DUSP2: variants seen among roughly 807,000 people sequenced by gnomAD.
The protein encoded by DUSP2 is dual specificity phosphatase 2.
In DUSP2, 20 loss-of-function variants were observed where a neutral mutation model predicts 23.3. That is an observed-to-expected ratio of 0.86 (90% CI 0.60 to 1.25). DUSP2 has a LOEUF of 1.25. Ranked by LOEUF, DUSP2 falls within the 50% of genes most tolerant of loss-of-function variation. DUSP2 has a pLI of 0.00. For missense variants in DUSP2, 435 were observed against 452.6 expected, an observed-to-expected ratio of 0.96 and a Z score of 0.35; for synonymous variants, 231 against 209.7, an observed-to-expected ratio of 1.10 and a Z score of -0.88.
At position 96,145,099 on chromosome 2, in the gene DUSP2, C is replaced by A; in HGVS notation, c.256G>T (p.Ala86Ser). Residue 86 changes from alanine (A) to serine (S), a missense_variant, in exon 1 of 4, where the codon GCG becomes TCG. Physicochemically the swap from Ala to Ser is moderately conservative, Grantham distance 99. Coordinates refer to ENST00000288943, the MANE Select transcript of DUSP2 (RefSeq NM_004418.4). ...LRTRLVRGELARAVVLDEGSA... is the reference protein window; with the variant it reads ...LRTRLVRGELSRAVVLDEGSA... ...CCCTCGTCCAGCACCACGGCCCGCG[C>A]CAGCTCCCCGCGGACCAGGCGCGTC... The A allele has an allele frequency of 7.0e-7, 1 of 1,436,282 alleles. No homozygotes were observed. 89.0% of individuals were successfully genotyped at this position (1,436,282 alleles called of 1,614,324 possible). A position where few individuals can be genotyped will look rare whatever the true frequency, so the allele number is the denominator to read the frequency against.
intron 2 of DUSP2, 146 bp downstream of exon 2, chr2:96,144,615 C>G (rs915968590): frequency 1.2e-6 from 1 of 839,382 alleles, no homozygotes; most frequent in Non-Finnish European, 1.8e-6. Context: ...AGCCATGCCC[C>G]ACCCCCTCCC....
At chr2:96,144,621 C>G in intron 2 of DUSP2, 140 bp downstream of exon 2, 1 of 864,806 alleles carries the variant, frequency 1.2e-6, no homozygotes, top group South Asian at 1.8e-5. Flanking sequence ...GCCCCACCCC[C>G]TCCCCCAACA....
chr2:96,144,449 C>T lies in DUSP2; in HGVS notation c.511-76G>A, dbSNP rs907856081. ...CTGGAGCAGCAGCGGGTGGAGACCC[C>T]ATGGGCTGGCCGAGACAAGAGGACT... On this transcript the variant is annotated intron_variant, in intron 2 of 3. Coordinates refer to ENST00000288943, the MANE Select transcript of DUSP2 (RefSeq NM_004418.4). 4.5e-5 allele frequency: 66 copies of T among 1,468,526 alleles called. No individual in the cohort carries two copies. In the South Asian group the frequency reaches 8.1e-4, roughly 18 times the overall value. The allele number at this position is 1,468,526 out of a possible 1,614,324, so 91.0% of individuals were successfully genotyped here.
chr2:96,144,904 G>A (rs1473195378), intron 1 of DUSP2, 22 bp from the exon 2 acceptor site: 2 of 1,548,190 alleles, frequency 1.3e-6, no homozygotes, highest in African/African-American at 1.4e-5. Flanking sequence ...GGAAGAGCAC[G>A]ATCAGCAGGG....
Position 96,143,942 on chromosome 2 carries a change from G to C in DUSP2, c.826C>G (p.Arg276Gly). 1 of 1,613,778 alleles carries C rather than the reference G, an allele frequency of 6.2e-7. No homozygotes were observed. The highest frequency in any genetic ancestry group is 8.5e-7 in the Non-Finnish European group (1 of 1,180,010). Residue 276 changes from arginine to glycine, a missense_variant, in exon 4 of 4, where the codon CGC (arginine) becomes GGC (glycine). Physicochemically the swap from Arg to Gly is moderately radical, Grantham distance 125. Transcript: ENST00000288943. ...TICLAYLMQS[R>G]RVRLDEAFDF... is the part of the protein sequence containing the mutation. ...AAGGCCTCGTCCAGCCGCACACGGC[G>C]ACTCTGCATGAGGTATGCCAGACAG...
At position 96,144,900 on chromosome 2, in the gene DUSP2, G is replaced by A. The variant is rs1322106135; in HGVS notation, c.389-18C>T. 1.3e-6 allele frequency: 2 copies of A among 1,548,460 alleles called. No individual in the cohort carries two copies. Among genetic ancestry groups the A allele is most frequent in the Admixed American group, 2.0e-5 (1 of 50,660 alleles). On this transcript the variant is annotated intron_variant, in intron 1 of 3. Coordinates refer to ENST00000288943, the MANE Select transcript of DUSP2 (RefSeq NM_004418.4). Reference sequence around the variant, plus strand: ...GAAGCCTCCTGCAAGGAGGGGAAGAGCACGATCAGCAGGGAAAGCCGGGCT... The same window carrying A: ...GAAGCCTCCTGCAAGGAGGGGAAGAACACGATCAGCAGGGAAAGCCGGGCT...
chr2:96,145,094 C>A lies in DUSP2; in HGVS notation c.261G>T (p.Arg87=), dbSNP rs1220102294. The A allele has an allele frequency of 2.8e-6, 4 of 1,453,478 alleles. No individual in the cohort carries two copies. The highest frequency in any genetic ancestry group is 1.5e-5 in the African/African-American group (1 of 67,322). The allele number at this position is 1,453,478 out of a possible 1,614,324, so 90.0% of individuals were successfully genotyped here. A position where few individuals can be genotyped will look rare whatever the true frequency, so the allele number is the denominator to read the frequency against. The change falls in exon 1 of 4, where the codon CGG becomes CGT. Residue 87 remains arginine (R), a synonymous_variant. Transcript: ENST00000288943. ...CACTGCCCTCGTCCAGCACCACGGCCCGCGCCAGCTCCCCGCGGACCAGGC... is the reference window on the plus strand; with the variant it reads ...CACTGCCCTCGTCCAGCACCACGGCACGCGCCAGCTCCCCGCGGACCAGGC... ...RTRLVRGELA[R]AVVLDEGSAS...
Position 96,143,946 on chromosome 2 carries a change from C to A in DUSP2, c.822G>T (p.Gln274His). The A allele has an allele frequency of 6.2e-7, 1 of 1,613,844 alleles. No homozygotes were observed. Among genetic ancestry groups the A allele is most frequent in the Non-Finnish European group, 8.5e-7 (1 of 1,180,022 alleles). The change falls in exon 4 of 4, where the codon CAG becomes CAT. Residue 274 changes from glutamine (Q) to histidine (H), a missense_variant. By Grantham distance (24) the Gln-to-His change is conservative. Coordinates refer to ENST00000288943, the MANE Select transcript of DUSP2 (RefSeq NM_004418.4). ...SATICLAYLMQSRRVRLDEAF... is the reference protein window; with the variant it reads ...SATICLAYLMHSRRVRLDEAF... Reference sequence around the variant, plus strand: ...CCTCGTCCAGCCGCACACGGCGACTCTGCATGAGGTATGCCAGACAGATGG... The same window carrying A: ...CCTCGTCCAGCCGCACACGGCGACTATGCATGAGGTATGCCAGACAGATGG...
At position 96,143,881 on chromosome 2, in the gene DUSP2, G is replaced by A. The variant is rs982317182; in HGVS notation, c.887C>T (p.Pro296Leu). 6.2e-7 allele frequency: 1 copy of A among 1,613,694 alleles called. No individual in the cohort carries two copies. Among genetic ancestry groups the A allele is most frequent in the Non-Finnish European group, 8.5e-7 (1 of 1,180,026 alleles). Residue 296 changes from proline to leucine, a missense_variant, in exon 4 of 4, where the codon CCC (proline) becomes CTC (leucine). Pro to Leu is a moderately conservative substitution (Grantham distance 98). Transcript: ENST00000288943. Reference sequence around the variant, plus strand: ...CAGCTGCCCCATGAAACTGAAGTTGGGGGAGATGACCCCCCGGCGCTGCTT... The same window carrying A: ...CAGCTGCCCCATGAAACTGAAGTTGAGGGAGATGACCCCCCGGCGCTGCTT... ...FVKQRRGVIS[P>L]NFSFMGQLLQ...
chr2:96,145,108 C>G lies in DUSP2; in HGVS notation c.247G>C (p.Gly83Arg). Residue 83 changes from glycine (G) to arginine (R), a missense_variant, in exon 1 of 4, where the codon GGG becomes CGG. Coordinates refer to ENST00000288943, the MANE Select transcript of DUSP2 (RefSeq NM_004418.4). ...AGCACCACGGCCCGCGCCAGCTCCC[C>G]GCGGACCAGGCGCGTCCGCAGCGCG... ...DRALRTRLVR[G>R]ELARAVVLDE... The G allele has an allele frequency of 7.0e-7, 1 of 1,420,190 alleles. No homozygotes were observed. The allele number at this position is 1,420,190 out of a possible 1,614,324, so 88.0% of individuals were successfully genotyped here. A position where few individuals can be genotyped will look rare whatever the true frequency, so the allele number is the denominator to read the frequency against.
Position 96,145,427 on chromosome 2 carries a change from G to C in DUSP2, c.-73C>G. Reference sequence around the variant, plus strand: ...GGCTCTCGTGGCGGTGGCGCTGCCCGAGCGGTCGACTCCGGGCGCCCTCCG... The same window carrying C: ...GGCTCTCGTGGCGGTGGCGCTGCCCCAGCGGTCGACTCCGGGCGCCCTCCG... On this transcript the variant is annotated 5_prime_UTR_variant, in exon 1 of 4. Coordinates refer to ENST00000288943, the MANE Select transcript of DUSP2 (RefSeq NM_004418.4). 2 of 1,266,642 alleles carry C rather than the reference G, an allele frequency of 1.6e-6. No homozygotes were observed. Among genetic ancestry groups the C allele is most frequent in the Middle Eastern group, 3.1e-4 (1 of 3,240 alleles). The allele number at this position is 1,266,642 out of a possible 1,614,324, so 78.5% of individuals were successfully genotyped here.
rs2104787172 is a variant in DUSP2 at position 96,143,842 on chromosome 2, G to A, written c.926C>T (p.Thr309Ile). ...SFMGQLLQFE[T>I]QVLCH ...ACCACCTCAGTGACACAGCACCTGG[G>A]TCTCAAACTGCAGCAGCTGCCCCAT... The change falls in exon 4 of 4, where the codon ACC (threonine) becomes ATC (isoleucine). Residue 309 changes from threonine to isoleucine, a missense_variant. Physicochemically the swap from Thr to Ile is moderately conservative, Grantham distance 89. Transcript: ENST00000288943. 6.2e-7 allele frequency: 1 copy of A among 1,613,336 alleles called. No homozygotes were observed. The highest frequency in any genetic ancestry group is 1.7e-5 in the Admixed American group (1 of 60,024).
At position 96,145,327 on chromosome 2, in the gene DUSP2, C is replaced by G. The variant is rs749032414; in HGVS notation, c.28G>C (p.Glu10Gln). ...AGCAGCGTGCCCAGCGCCGCGCACT[C>G]CAGCTCGCGCGCCGCCTCCAGCCCC... MGLEAAREL[E>Q]CAALGTLLRD... is the part of the protein sequence containing the mutation. The change falls in exon 1 of 4, where the codon GAG becomes CAG. Residue 10 changes from glutamate (E) to glutamine (Q), a missense_variant. Transcript: ENST00000288943. The G allele has an allele frequency of 6.3e-6, 9 of 1,426,274 alleles. No homozygotes were observed. The African/African-American group carries it at 1.2e-4, about 19-fold the overall frequency. 88.4% of individuals were successfully genotyped at this position (1,426,274 alleles called of 1,614,324 possible).
At chr2:96,144,530 C>A in intron 2 of DUSP2, 157 bp from the exon 3 acceptor site, 1 of 763,880 alleles carries the variant, frequency 1.3e-6, no homozygotes, top group Non-Finnish European at 2.1e-6. Context: ...GAGGACACAC[C>A]GGGACATACA....
In DUSP2 at chr2:96,144,809, T is replaced by C. The variant is rs1308427974; in HGVS notation, c.462A>G (p.Thr154=). 5 of 1,577,716 alleles carry C rather than the reference T, an allele frequency of 3.2e-6. No homozygotes were observed. The highest frequency in any genetic ancestry group is 4.3e-6 in the Non-Finnish European group (5 of 1,163,448). Residue 154 remains threonine (T), a synonymous_variant, in exon 2 of 4, where the codon ACA becomes ACG. Coordinates refer to ENST00000288943, the MANE Select transcript of DUSP2 (RefSeq NM_004418.4). The part of the protein sequence containing the change: ...SEAPAPALPP[T]GDKTSRSDSR... ...AGTCGGAGCGGCTGGTTTTGTCCCC[T>C]GTTGGCGGCAGCGCAGGGGCGGGGG...
Position 96,144,980 on chromosome 2 carries a change from C to T in DUSP2, c.375G>A (p.Val125=), listed in dbSNP as rs1005029732. The stretch of plus-strand genomic sequence containing the variant: ...CGGCTTGCTCACCTCGCAGGAAGTA[C>T]ACGGCAGTGGGCCCCGCGCGGGTCT... ...LHETRAGPTA[V]YFLRGGFDGF... is the part of the protein sequence containing the mutation. The change falls in exon 1 of 4, where the codon GTG becomes GTA. Residue 125 remains valine (V), a synonymous_variant. Coordinates refer to ENST00000288943, the MANE Select transcript of DUSP2 (RefSeq NM_004418.4). 2.6e-6 allele frequency: 4 copies of T among 1,545,636 alleles called. No homozygotes were observed. The highest frequency in any genetic ancestry group is 2.0e-5 in the Admixed American group (1 of 51,042).
At position 96,144,742 on chromosome 2, in the gene DUSP2, G is replaced by A. The variant is rs549079274; in HGVS notation, c.510+19C>T. 83 of 1,542,198 alleles carry A rather than the reference G, an allele frequency of 5.4e-5. No individual in the cohort carries two copies. Among genetic ancestry groups the A allele is most frequent in the African/African-American group, 3.0e-4 (22 of 73,342 alleles). On this transcript the variant is annotated intron_variant, in intron 2 of 3. Transcript: ENST00000288943. ...GGCGGGGAGAGAGGGAGGTTCGGGG[G>A]AGGGGGGTCAATACTCACCTGGTCG...
At chr2:96,144,666 C>G (rs577899253) in intron 2 of DUSP2, 95 bp downstream of exon 2, 1 of 1,214,552 alleles carries the variant, frequency 8.2e-7, no homozygotes, top group Non-Finnish European at 1.1e-6. Flanking sequence ...TATGGGCAAA[C>G]TGCTCGCATC....
Position 96,143,667 on chromosome 2 carries a change from G to C in DUSP2, c.*156C>G. On this transcript the variant is annotated 3_prime_UTR_variant, in exon 4 of 4. Coordinates refer to ENST00000288943, the MANE Select transcript of DUSP2 (RefSeq NM_004418.4). ...ACCAGGTCGGAAAGACCAGCATGCC[G>C]GCATTCCTAGAGCCCCCATGTGGGG... 1 of 865,130 alleles carries C rather than the reference G, an allele frequency of 1.2e-6. No homozygotes were observed. The highest frequency in any genetic ancestry group is 1.8e-6 in the Non-Finnish European group (1 of 568,252). 53.6% of individuals were successfully genotyped at this position (865,130 alleles called of 1,614,324 possible).
Sources: allele counts gnomAD v4.1 joint callset, GRCh38; gene constraint gnomAD v4.1.1; transcripts MANE v1.5; gene names NCBI Gene and HGNC (gene_info 2026-07-23, HGNC 2026-07-21).